ZC2HC1B: variants seen among roughly 807,000 people sequenced by gnomAD.
ZC2HC1B encodes the protein zinc finger C2HC-type containing 1B, also known as zinc finger C2HC domain-containing protein 1B.
A neutral mutation model predicts 31.0 loss-of-function variants in ZC2HC1B; 36 were observed. That is an observed-to-expected ratio of 1.16 (90% CI 0.89 to 1.54). ZC2HC1B has a LOEUF of 1.54. Among genes scored for constraint, ZC2HC1B ranks in the 40% most tolerant of loss-of-function variants. ZC2HC1B has a pLI of 0.00. For synonymous variants in ZC2HC1B, 73 were observed against 88.0 expected (o/e 0.83, Z 0.95); for missense variants, 260 against 268.6 (o/e 0.97, Z 0.22).
In ZC2HC1B at chr6:143,905,078, G is replaced by C. The variant is rs950903695; in HGVS notation, c.598+1926G>C. On this transcript the variant is annotated intron_variant, in intron 6 of 7. Transcript: ENST00000237275. The surrounding 1 kb of genome is among the most constrained non-coding windows in gnomAD (Gnocchi z 4.2). ...CCTTGAGATTCCATGTGAATTTTAG[G>C]TTGGGCTTTTTTATTTCTGCAAGAA... is the stretch of plus-strand genomic sequence containing the variant. 2.0e-5 allele frequency among the ~76,000 whole-genome samples: 3 copies of C among 152,156 alleles called. No homozygotes were observed. The highest frequency in any genetic ancestry group is 4.4e-5 in the Non-Finnish European group (3 of 68,034).
Position 143,903,496 on chromosome 6 carries a change from A to C in ZC2HC1B, c.598+344A>C, listed in dbSNP as rs1398500794. On this transcript the variant is annotated intron_variant, in intron 6 of 7. Transcript: ENST00000237275. This position sits in a 1 kb window ranked among gnomAD's most constrained non-coding sequence, Gnocchi z 4.3. The stretch of plus-strand genomic sequence containing the variant: ...TAAGGGGAAAGTTTCTTTTCTAGAA[A>C]TAAATACAGATCCTCCTCAATTTAT... 1.3e-5 allele frequency among the ~76,000 whole-genome samples: 2 copies of C among 152,218 alleles called. No homozygotes were observed. The highest frequency in any genetic ancestry group is 4.1e-4 in the South Asian group (2 of 4,832).
rs988608544 is a variant in ZC2HC1B at position 143,908,802 on chromosome 6, T to TC, written c.598+5652dup. Among the ~76,000 whole-genome samples, 1 of 152,200 alleles carries TC rather than the reference T, an allele frequency of 6.6e-6. No homozygotes were observed. The highest frequency in any genetic ancestry group is 1.5e-5 in the Non-Finnish European group (1 of 68,036). On this transcript the variant is annotated intron_variant, in intron 6 of 7. Coordinates refer to ENST00000237275, the MANE Select transcript of ZC2HC1B (RefSeq NM_001013623.3). The surrounding 1 kb of genome is among the most constrained non-coding windows in gnomAD (Gnocchi z 4.4). ...TTGCCTGATTGCCCTGGACAGAACT[T>TC]CCAGTACTATGTTCAATAGGAGTGG...
At position 143,864,558 on chromosome 6, in the gene ZC2HC1B, T is replaced by C. The variant is rs1225420079; in HGVS notation, c.19T>C (p.Phe7Leu). Reference sequence around the variant, plus strand: ...GAACAGAATGGCTGGGGCAGAACCATTTTTGGCAGGTGAGCTGCACTTGAT... The same window carrying C: ...GAACAGAATGGCTGGGGCAGAACCACTTTTGGCAGGTGAGCTGCACTTGAT... MAGAEP[F>L]LADGNQELFP... Residue 7 changes from phenylalanine (F) to leucine (L), a missense_variant, in exon 1 of 8, where the codon TTT (phenylalanine) becomes CTT (leucine). Phe to Leu is a conservative substitution (Grantham distance 22). Coordinates refer to ENST00000237275, the MANE Select transcript of ZC2HC1B (RefSeq NM_001013623.3). 1 of 1,551,546 alleles carries C rather than the reference T, an allele frequency of 6.4e-7. No individual in the cohort carries two copies. The highest frequency in any genetic ancestry group is 8.7e-7 in the Non-Finnish European group (1 of 1,146,900).
intron 1 of ZC2HC1B, among the ~76,000 whole-genome samples, chr6:143,874,800 A>G (rs116566379): frequency 0.012 from 1,881 of 152,250 alleles, 36 homozygotes; most frequent in African/African-American, 0.043. Flanking sequence ...TGGAGACAGA[A>G]CCAAATCATA....
rs1010399734 is a variant in ZC2HC1B at position 143,883,863 on chromosome 6, A to G, written c.29-441A>G. On this transcript the variant is annotated intron_variant, in intron 1 of 7. Transcript: ENST00000237275. This position sits in a 1 kb window ranked among gnomAD's most constrained non-coding sequence, Gnocchi z 4.1. Reference sequence around the variant, plus strand: ...CAACCAATACCTTGAGTACCTTACTATGGGTCAAGTACTTGCATTGGGCAT... The same window carrying G: ...CAACCAATACCTTGAGTACCTTACTGTGGGTCAAGTACTTGCATTGGGCAT... 2.0e-5 allele frequency among the ~76,000 whole-genome samples: 3 copies of G among 152,168 alleles called. No individual in the cohort carries two copies. The highest frequency in any genetic ancestry group is 4.1e-4 in the South Asian group (2 of 4,832).
At chr6:143,937,471 GTTAT>G (rs903063888) in intron 6 of ZC2HC1B, among the ~76,000 whole-genome samples, 174 bp from the exon 7 acceptor site, 128 of 151,882 alleles carry the variant, frequency 8.4e-4, no homozygotes, top group African/African-American at 2.9e-3. Flanking sequence ...TCCTTATTTG[GTTAT>G]TTGTCTGTAG....
intron 6 of ZC2HC1B, among the ~76,000 whole-genome samples, chr6:143,926,533 A>G (rs977614794): frequency 2.6e-5 from 4 of 152,112 alleles, no homozygotes; most frequent in East Asian, 1.9e-4. Context: ...GGCCTAGCAT[A>G]TGGTCTATAC....
chr6:143,925,523 ATTCTT>A (rs1248432703), intron 6 of ZC2HC1B, among the ~76,000 whole-genome samples: 1 of 127,020 alleles, frequency 7.9e-6, no homozygotes. Context: ...TTCCTTATTC[ATTCTT>A]TTCTTTTCTT....
chr6:143,911,755 ATCT>A lies in ZC2HC1B; in HGVS notation c.598+8607_598+8609del, dbSNP rs1239234431. Among the ~76,000 whole-genome samples the A allele has an allele frequency of 6.6e-6, 1 of 151,982 alleles. No homozygotes were observed. Among genetic ancestry groups the A allele is most frequent in the Non-Finnish European group, 1.5e-5 (1 of 67,986 alleles). On this transcript the variant is annotated intron_variant, in intron 6 of 7. Transcript: ENST00000237275. The surrounding 1 kb of genome is among the most constrained non-coding windows in gnomAD (Gnocchi z 4.5). ...CTGATTATTATGTGTCTTGGGGATG[ATCT>A]TCTCAGGGAGTATTTTACTGGGGTT... is the stretch of plus-strand genomic sequence containing the variant.
intron 6 of ZC2HC1B, 119 bp from the exon 7 acceptor site, chr6:143,937,530 C>CA: frequency 1.6e-6 from 1 of 635,858 alleles, no homozygotes; most frequent in Non-Finnish European, 2.2e-6. Context: ...CCCCACCTCC[C>CA]ACCAAAAAAA....
Position 143,870,422 on chromosome 6 carries a change from G to A in ZC2HC1B, c.28+5855G>A, listed in dbSNP as rs998302729. Reference sequence around the variant, plus strand: ...CTCATGAGGCCATTGGTGCAGGCTAGGGGAGAGAAGGCAAGGTGGCAGGAG... The same window carrying A: ...CTCATGAGGCCATTGGTGCAGGCTAAGGGAGAGAAGGCAAGGTGGCAGGAG... On this transcript the variant is annotated intron_variant, in intron 1 of 7. Transcript: ENST00000237275. The surrounding 1 kb of genome is among the most constrained non-coding windows in gnomAD (Gnocchi z 4.7). Among the ~76,000 whole-genome samples, 9 of 152,272 alleles carry A rather than the reference G, an allele frequency of 5.9e-5. No homozygotes were observed. Among genetic ancestry groups the A allele is most frequent in the South Asian group, 2.1e-4 (1 of 4,818 alleles).
rs557859315 is a variant in ZC2HC1B, at chr6:143,879,824, A to ATTT, written c.29-4457_29-4455dup. 6.8e-3 allele frequency among the ~76,000 whole-genome samples: 364 copies of ATTT among 53,718 alleles called. 5 individuals carry two copies. The highest frequency in any genetic ancestry group is 8.5e-3 in the Non-Finnish European group (259 of 30,490). The allele number at this position is 53,718 out of a possible 152,430, so 35.2% of individuals were successfully genotyped here. ...TTTTTTCCTGCTCAAGTTGTCCCTGATTTTTTTTTTTTTTTTTTTTTTTTT... is the reference window on the plus strand; with the variant it reads ...TTTTTTCCTGCTCAAGTTGTCCCTGATTTTTTTTTTTTTTTTTTTTTTTTTTTT... On this transcript the variant is annotated intron_variant, in intron 1 of 7. Transcript: ENST00000237275.
rs9496786 is a variant in ZC2HC1B, at chr6:143,872,296, C to T, written c.28+7729C>T. Among the ~76,000 whole-genome samples the T allele has an allele frequency of 0.024, 3,698 of 152,238 alleles. 147 individuals carry two copies. Among genetic ancestry groups the T allele is most frequent in the African/African-American group, 0.083 (3,430 of 41,518 alleles). On this transcript the variant is annotated intron_variant, in intron 1 of 7. Transcript: ENST00000237275. This position sits in a 1 kb window ranked among gnomAD's most constrained non-coding sequence, Gnocchi z 5.5. The stretch of plus-strand genomic sequence containing the variant: ...TCAGATTAGTCTTTTGTCCATTTGA[C>T]CTAGAAGTTTTCTGCTTATATAAAT...
intron 5 of ZC2HC1B, among the ~76,000 whole-genome samples, chr6:143,902,057 A>C (rs1184057609): frequency 6.6e-6 from 1 of 151,878 alleles, no homozygotes. Context: ...ACTTGGCCCC[A>C]CTCCTCTCCT....
chr6:143,921,245 C>G lies in ZC2HC1B; in HGVS notation c.599-16404C>G, dbSNP rs1376150791. On this transcript the variant is annotated intron_variant, in intron 6 of 7. Transcript: ENST00000237275. This position sits in a 1 kb window ranked among gnomAD's most constrained non-coding sequence, Gnocchi z 6.1. ...ACCTCTGTATTTAAAACTAACCAAG[C>G]CTTCCCTAATTCCTTTGTAATTATT... 6.6e-6 allele frequency among the ~76,000 whole-genome samples: 1 copy of G among 152,188 alleles called. No homozygotes were observed. The highest frequency in any genetic ancestry group is 1.5e-5 in the Non-Finnish European group (1 of 68,034).
chr6:143,915,478 T>A lies in ZC2HC1B; in HGVS notation c.598+12326T>A. Among the ~76,000 whole-genome samples, 1 of 152,172 alleles carries A rather than the reference T, an allele frequency of 6.6e-6. No individual in the cohort carries two copies. Among genetic ancestry groups the A allele is most frequent in the East Asian group, 1.9e-4 (1 of 5,198 alleles). On this transcript the variant is annotated intron_variant, in intron 6 of 7. Coordinates refer to ENST00000237275, the MANE Select transcript of ZC2HC1B (RefSeq NM_001013623.3). The surrounding 1 kb of genome is among the most constrained non-coding windows in gnomAD (Gnocchi z 5.2). ...GCTGCTGAAAAGATATCTGAAAATG[T>A]GGAAGTGACTTTGGAACAGGGTAAC...
At chr6:143,877,306 G>C (rs1424055271) in intron 1 of ZC2HC1B, among the ~76,000 whole-genome samples, 2 of 40,608 alleles carry the variant, frequency 4.9e-5, no homozygotes, top group African/African-American at 2.4e-4. Flanking sequence ...TTTTGAGACA[G>C]AGTTTTGCTC....
rs1422232943 is a variant in ZC2HC1B, at chr6:143,921,436, A to C, written c.599-16213A>C. On this transcript the variant is annotated intron_variant, in intron 6 of 7. Coordinates refer to ENST00000237275, the MANE Select transcript of ZC2HC1B (RefSeq NM_001013623.3). This position sits in a 1 kb window ranked among gnomAD's most constrained non-coding sequence, Gnocchi z 6.1. ...TACTTTTTAGAGTTGTTTGTGGCAC[A>C]CAAGAGGGACTCAGTAAATACTTGT... Among the ~76,000 whole-genome samples, 1 of 152,220 alleles carries C rather than the reference A, an allele frequency of 6.6e-6. No homozygotes were observed. The highest frequency in any genetic ancestry group is 2.1e-4 in the South Asian group (1 of 4,832).
chr6:143,865,234 G>A lies in ZC2HC1B; in HGVS notation c.28+667G>A, dbSNP rs778501712. On this transcript the variant is annotated intron_variant, in intron 1 of 7. Transcript: ENST00000237275. The surrounding 1 kb of genome is among the most constrained non-coding windows in gnomAD (Gnocchi z 4.4). ...TGGGAACTGAACATAAAAGCTCCAT[G>A]CTAAATGTTGGGAGCCCAAGAGATC... is the stretch of plus-strand genomic sequence containing the variant. Among the ~76,000 whole-genome samples the A allele has an allele frequency of 6.6e-6, 1 of 152,204 alleles. No individual in the cohort carries two copies. Among genetic ancestry groups the A allele is most frequent in the Non-Finnish European group, 1.5e-5 (1 of 68,036 alleles).
Sources: allele counts gnomAD v4.1 joint callset (sites outside exome capture counted in the v4.1 genomes callset), GRCh38; gene constraint gnomAD v4.1.1; non-coding constraint Gnocchi (gnomAD v3.1); transcripts MANE v1.5; gene names NCBI Gene and HGNC (gene_info 2026-07-23, HGNC 2026-07-21).